MSH5: variants seen among roughly 807,000 people sequenced by gnomAD.
The protein encoded by MSH5 is mutS homolog 5, also known as mutS protein homolog 5.
A neutral mutation model predicts 107.7 loss-of-function variants in MSH5; 78 were observed. The ratio of observed to expected loss-of-function variants is 0.72; its 90% CI spans 0.60 to 0.87. The LOEUF (loss-of-function observed/expected upper bound fraction) is 0.87, where lower values mean the gene tolerates loss of function less well. Ranked by LOEUF, MSH5 falls within the 40% of genes least tolerant of loss-of-function variation. The pLI, the probability that MSH5 is intolerant of heterozygous loss-of-function variation, is 0.00. For missense variants in MSH5, 889 were observed against 1,046.6 expected, an observed-to-expected ratio of 0.85 and a Z score of 2.08; for synonymous variants, 326 against 399.5, an observed-to-expected ratio of 0.82 and a Z score of 2.19.
chr6:31,753,898 G>T (rs1018541582), intron 12 of MSH5: 2 of 383,890 alleles, frequency 5.2e-6, no homozygotes, highest in Admixed American at 7.1e-5. Flanking sequence ...GCAAATTTTT[G>T]TATTTTTAGT....
Position 31,758,200 on chromosome 6 carries a change from C to T in MSH5, c.1050C>T (p.Cys350=), listed in dbSNP as rs774364055. The change falls in exon 13 of 25, where the codon TGC becomes TGT. Residue 350 remains cysteine, a synonymous_variant. Coordinates refer to ENST00000375750, the MANE Select transcript of MSH5 (RefSeq NM_172166.4). This position sits in a 1 kb window ranked among gnomAD's most constrained non-coding sequence, Gnocchi z 5.1. ...GTGCCCTGGGCCTGAGGGATGCCTG[C>T]CGCTCCCTGCCGCAGTCCATCCAGC... The part of the protein sequence containing the change: ...VYSALGLRDA[C]RSLPQSIQLF... 6.2e-7 allele frequency: 1 copy of T among 1,613,026 alleles called. No homozygotes were observed. Among genetic ancestry groups the T allele is most frequent in the African/African-American group, 1.3e-5 (1 of 75,034 alleles).
chr6:31,744,019 C>A lies in MSH5; in HGVS notation c.531C>A (p.Leu177=), dbSNP rs1296994427. Reference sequence around the variant, plus strand: ...CTTCCATTATTCCCTTTGACTGCCTCCTCACAGTGAGATTGGTCCTGGGGG... The same window carrying A: ...CTTCCATTATTCCCTTTGACTGCCTACTCACAGTGAGATTGGTCCTGGGGG... ...FLSSIIPFDC[L]LTVRALGGLL... is the part of the protein sequence containing the mutation. The change falls in exon 6 of 25, where the codon CTC becomes CTA. Residue 177 remains leucine (L), a synonymous_variant. Transcript: ENST00000375750. 6.2e-7 allele frequency: 1 copy of A among 1,614,022 alleles called. No individual in the cohort carries two copies. The highest frequency in any genetic ancestry group is 8.5e-7 in the Non-Finnish European group (1 of 1,180,036).
chr6:31,760,006 A>T lies in MSH5; in HGVS notation c.1685+31A>T, dbSNP rs746096100. 1.2e-6 allele frequency: 2 copies of T among 1,613,184 alleles called. No individual in the cohort carries two copies. Among genetic ancestry groups the T allele is most frequent in the Non-Finnish European group, 1.7e-6 (2 of 1,179,504 alleles). On this transcript the variant is annotated intron_variant, in intron 18 of 24. Coordinates refer to ENST00000375750, the MANE Select transcript of MSH5 (RefSeq NM_172166.4). This position sits in a 1 kb window ranked among gnomAD's most constrained non-coding sequence, Gnocchi z 5.6. ...AATAGAGGCGGGTGGAGGAATAGAC[A>T]TGAGGGGCCCAAAGGCTACATCTTC...
rs1343989717 is a variant in MSH5 at position 31,762,649 on chromosome 6, A to G, written c.*118A>G. The G allele has an allele frequency of 3.1e-6, 2 of 641,220 alleles. No individual in the cohort carries two copies. Among genetic ancestry groups the G allele is most frequent in the Admixed American group, 5.9e-5 (2 of 33,690 alleles). 39.7% of individuals were successfully genotyped at this position (641,220 alleles called of 1,614,324 possible). On this transcript the variant is annotated 3_prime_UTR_variant, in exon 25 of 25. Coordinates refer to ENST00000375750, the MANE Select transcript of MSH5 (RefSeq NM_172166.4). ...AGTTTCTCTAGAAATTTTGTTTCAT[A>G]TTAGGAATAAAGTTTATTTTGAAGA...
intron 3 of MSH5, 25 bp downstream of exon 3, chr6:31,741,311 C>T (rs931041885): frequency 6.2e-7 from 1 of 1,604,594 alleles, no homozygotes; most frequent in Admixed American, 1.7e-5. Context: ...ATGAATTCCT[C>T]TGCTCTCTGG....
In MSH5 at chr6:31,759,320, G is replaced by A. The variant is rs1810750412; in HGVS notation, c.1408-105G>A. ...TGAGCTTTACCAGCACTGAGACAAA[G>A]GAAAGAGAAGTCAGAGTTAGGGGCT... On this transcript the variant is annotated intron_variant, in intron 16 of 24. Transcript: ENST00000375750. The surrounding 1 kb of genome is among the most constrained non-coding windows in gnomAD (Gnocchi z 4.7). 7.0e-7 allele frequency: 1 copy of A among 1,427,674 alleles called. No homozygotes were observed. The allele number at this position is 1,427,674 out of a possible 1,614,324, so 88.4% of individuals were successfully genotyped here.
chr6:31,753,870 C>T (rs530912748), intron 12 of MSH5: 47 of 451,646 alleles, frequency 1.0e-4, no homozygotes, highest in Non-Finnish European at 1.7e-4. Context: ...GGATTACAAG[C>T]GCCCGCCACC....
At position 31,759,536 on chromosome 6, in the gene MSH5, T is replaced by A; in HGVS notation, c.1495+24T>A. The A allele has an allele frequency of 6.2e-7, 1 of 1,611,100 alleles. No individual in the cohort carries two copies. The highest frequency in any genetic ancestry group is 1.1e-5 in the South Asian group (1 of 91,000). On this transcript the variant is annotated intron_variant, in intron 17 of 24. Coordinates refer to ENST00000375750, the MANE Select transcript of MSH5 (RefSeq NM_172166.4). The surrounding 1 kb of genome is among the most constrained non-coding windows in gnomAD (Gnocchi z 4.7). ...GGGTGAGGAAAAGCCAGAGGTTATA[T>A]GCATTGTAAGATGTTTAAAAAAAGC... is the stretch of plus-strand genomic sequence containing the variant.
chr6:31,749,254 C>A (rs944156971), intron 10 of MSH5, among the ~76,000 whole-genome samples: 19 of 152,068 alleles, frequency 1.2e-4, no homozygotes, highest in African/African-American at 4.6e-4. Context: ...CAAAATCTTA[C>A]ATCCAGGTCA....
chr6:31,750,049 C>T (rs1195647005), intron 10 of MSH5, among the ~76,000 whole-genome samples: 1 of 152,024 alleles, frequency 6.6e-6, no homozygotes, highest in East Asian at 1.9e-4. Context: ...TAATCTCAGC[C>T]ACAGATGGGA....
At chr6:31,750,503 CT>C (rs1562231604) in intron 10 of MSH5, among the ~76,000 whole-genome samples, 5 of 152,196 alleles carry the variant, frequency 3.3e-5, no homozygotes, top group Non-Finnish European at 1.5e-5. Flanking sequence ...GGGCAAGTTG[CT>C]TATCTTTTAA....
chr6:31,747,411 A>C lies in MSH5; in HGVS notation c.791A>C (p.Lys264Thr), dbSNP rs1282907122. The change falls in exon 10 of 25, where the codon AAG (lysine) becomes ACG (threonine). Residue 264 changes from lysine to threonine, a missense_variant. Physicochemically the swap from Lys to Thr is moderately conservative, Grantham distance 78. Coordinates refer to ENST00000375750, the MANE Select transcript of MSH5 (RefSeq NM_172166.4). Reference sequence around the variant, plus strand: ...GGAATCCTCAACAGATGCCACTGTAAGTGGGGAGAGAAGCTGCTCAGGTGA... The same window carrying C: ...GGAATCCTCAACAGATGCCACTGTACGTGGGGAGAGAAGCTGCTCAGGTGA... ...LFGILNRCHCKWGEKLLRLWF... is the reference protein window; with the variant it reads ...LFGILNRCHCTWGEKLLRLWF... The C allele has an allele frequency of 6.2e-7, 1 of 1,613,080 alleles. No homozygotes were observed. The highest frequency in any genetic ancestry group is 8.5e-7 in the Non-Finnish European group (1 of 1,180,012).
At position 31,758,678 on chromosome 6, in the gene MSH5, T is replaced by C; in HGVS notation, c.1216+58T>C. The C allele has an allele frequency of 6.2e-7, 1 of 1,609,318 alleles. No homozygotes were observed. Among genetic ancestry groups the C allele is most frequent in the South Asian group, 1.1e-5 (1 of 90,982 alleles). On this transcript the variant is annotated intron_variant, in intron 14 of 24. Transcript: ENST00000375750. This position sits in a 1 kb window ranked among gnomAD's most constrained non-coding sequence, Gnocchi z 5.1. ...CTGCGCAGTGATGGAGTACCATCCTTGGCAGGTGGTCACCACAGCTGGGGA... is the reference window on the plus strand; with the variant it reads ...CTGCGCAGTGATGGAGTACCATCCTCGGCAGGTGGTCACCACAGCTGGGGA...
chr6:31,746,080 T>TTG (rs756645495), intron 9 of MSH5: 10,523 of 116,774 alleles, frequency 0.09, 536 homozygotes, highest in Non-Finnish European at 0.11. Flanking sequence ...GTGTCCAGTT[T>TTG]TGTGTGTGTG....
rs372287164 is a variant in MSH5 at position 31,753,315 on chromosome 6, G to A, written c.827G>A (p.Arg276His). The A allele has an allele frequency of 6.8e-6, 11 of 1,611,930 alleles. No individual in the cohort carries two copies. The highest frequency in any genetic ancestry group is 9.3e-6 in the Non-Finnish European group (11 of 1,178,282). The part of the protein sequence containing the change: ...GEKLLRLWFT[R>H]PTHDLGELSS... ...CTCACTTCCAGGCTATGGTTCACAC[G>A]TCCGACTCATGACCTGGGGGAGCTC... The change falls in exon 11 of 25, where the codon CGT (arginine) becomes CAT (histidine). Residue 276 changes from arginine (R) to histidine (H), a missense_variant. Arg to His is a conservative substitution (Grantham distance 29). Transcript: ENST00000375750.
At chr6:31,755,472 C>T (rs1368026969) in intron 12 of MSH5, among the ~76,000 whole-genome samples, 2 of 152,040 alleles carry the variant, frequency 1.3e-5, no homozygotes, top group Non-Finnish European at 2.9e-5. Context: ...AAGTGATTCT[C>T]TTGCCTCAGC....
At position 31,744,227 on chromosome 6, in the gene MSH5, G is replaced by A. The variant is rs138712583; in HGVS notation, c.575G>A (p.Arg192Gln). The A allele has an allele frequency of 1.0e-4, 167 of 1,614,032 alleles. 1 individual carries two copies. The East Asian group carries it at 3.2e-3, about 31-fold the overall frequency. The change falls in exon 7 of 25, where the codon CGA (arginine) becomes CAA (glutamine). Residue 192 changes from arginine (R) to glutamine (Q), a missense_variant. Arg to Gln is a conservative substitution (Grantham distance 43). Around this residue, in one of 3 missense-constraint regions of MSH5, gnomAD observed 518 missense variants for 565.0 expected, o/e 0.92. Coordinates refer to ENST00000375750, the MANE Select transcript of MSH5 (RefSeq NM_172166.4). Reference sequence around the variant, plus strand: ...GGAGGGCTGCTGAAGTTCCTGGGTCGAAGAAGAATCGGGGTTGAACTGGAA... The same window carrying A: ...GGAGGGCTGCTGAAGTTCCTGGGTCAAAGAAGAATCGGGGTTGAACTGGAA... ...ALGGLLKFLG[R>Q]RRIGVELEDY... is the part of the protein sequence containing the mutation.
chr6:31,741,465 A>G (rs1350074574), intron 3 of MSH5, among the ~76,000 whole-genome samples, 179 bp downstream of exon 3: 1 of 150,588 alleles, frequency 6.6e-6, no homozygotes, highest in Non-Finnish European at 1.5e-5. Flanking sequence ...TGCAGCCTCC[A>G]CCTCCTGGGT....
Position 31,760,372 on chromosome 6 carries a change from C to G in MSH5, c.1812+156C>G, listed in dbSNP as rs1810881284. ...CCCACATCCCTGTGCTTCCACCTCACATGTTCTTATTCTCCACTGGAGAGC... is the reference window on the plus strand; with the variant it reads ...CCCACATCCCTGTGCTTCCACCTCAGATGTTCTTATTCTCCACTGGAGAGC... On this transcript the variant is annotated intron_variant, in intron 19 of 24. Transcript: ENST00000375750. The surrounding 1 kb of genome is among the most constrained non-coding windows in gnomAD (Gnocchi z 5.6). Among the ~76,000 whole-genome samples, 1 of 152,210 alleles carries G rather than the reference C, an allele frequency of 6.6e-6. No individual in the cohort carries two copies. The highest frequency in any genetic ancestry group is 1.5e-5 in the Non-Finnish European group (1 of 68,046).
Sources: gnomAD v4.1 joint callset for allele counts (sites outside exome capture counted in the v4.1 genomes callset) on GRCh38, gnomAD v4.1.1 for gene constraint, gnomAD v4.1.1 regional missense constraint, Gnocchi (gnomAD v3.1) non-coding constraint, MANE v1.5 for transcripts, NCBI Gene and HGNC (gene_info 2026-07-23, HGNC 2026-07-21) for gene names.